PDE3B: variants seen among roughly 807,000 people sequenced by gnomAD.
PDE3B encodes phosphodiesterase 3B, also known as cGMP-inhibited 3',5'-cyclic phosphodiesterase 3B.
A neutral mutation model predicts 116.8 loss-of-function variants in PDE3B; 66 were observed. The ratio of observed to expected loss-of-function variants is 0.56; its 90% CI spans 0.46 to 0.69. The LOEUF is 0.69. PDE3B is among the 30% of genes least tolerant of loss of function. The probability of loss-of-function intolerance (pLI) is 0.00; values close to 1 mark genes in which losing one functional copy is unlikely to be tolerated. For synonymous variants in PDE3B, 595 were observed against 533.6 expected, an observed-to-expected ratio of 1.12 and a Z score of -1.59; for missense variants, 1,384 against 1,368.1, an observed-to-expected ratio of 1.01 and a Z score of -0.18.
intron 11 of PDE3B, among the ~76,000 whole-genome samples, chr11:14,836,744 T>C (rs1233436065): frequency 6.6e-6 from 1 of 152,232 alleles, no homozygotes; most frequent in Non-Finnish European, 1.5e-5. Flanking sequence ...CTATATACTC[T>C]AGAGGAGAAT....
At chr11:14,839,253 T>C (rs1860150226) in intron 11 of PDE3B, among the ~76,000 whole-genome samples, 1 of 152,208 alleles carries the variant, frequency 6.6e-6, no homozygotes, top group Admixed American at 6.5e-5. Flanking sequence ...AATTCCTTGA[T>C]CTTTGGAAAG....
intron 2 of PDE3B, chr11:14,774,094 A>G (rs1446970508): frequency 6.6e-6 from 1 of 152,258 alleles, no homozygotes; most frequent in Non-Finnish European, 1.5e-5. Context: ...AGAGTAGCAC[A>G]GAATGTTGGA....
At chr11:14,859,869 T>C (rs1847915282) in intron 13 of PDE3B, among the ~76,000 whole-genome samples, 1 of 152,194 alleles carries the variant, frequency 6.6e-6, no homozygotes, top group South Asian at 2.1e-4. Context: ...GTGGTACTCA[T>C]GGGACTATGC....
intron 1 of PDE3B, among the ~76,000 whole-genome samples, chr11:14,684,443 A>G (rs1854806904): frequency 6.6e-6 from 1 of 152,212 alleles, no homozygotes; most frequent in Non-Finnish European, 1.5e-5. Flanking sequence ...AAAGGAGAAC[A>G]AAGATCACAT....
At chr11:14,894,225 A>G in the PDE3B span, among the ~76,000 whole-genome samples, 4 of 152,198 alleles carry the variant, frequency 2.6e-5, no homozygotes, top group African/African-American at 9.7e-5. Flanking sequence ...TCAATAATCT[A>G]ATAAAATGAA....
chr11:14,779,578 A>G (rs1302994611), intron 2 of PDE3B, among the ~76,000 whole-genome samples: 1 of 152,200 alleles, frequency 6.6e-6, no homozygotes, highest in Non-Finnish European at 1.5e-5. Flanking sequence ...AAGCTTCATA[A>G]GTGAAGGAGA....
chr11:14,698,729 T>G (rs1185948791), intron 1 of PDE3B: 1 of 151,990 alleles, frequency 6.6e-6, no homozygotes, highest in African/African-American at 2.4e-5. Flanking sequence ...TAATCTCTTT[T>G]TCTCTTTTTA....
intron 1 of PDE3B, among the ~76,000 whole-genome samples, chr11:14,735,879 G>T (rs1051943458): frequency 5.3e-5 from 8 of 152,032 alleles, no homozygotes; most frequent in Non-Finnish European, 7.4e-5. Flanking sequence ...TCACATAGGG[G>T]ATAATGACAG....
At chr11:14,776,810 G>A (rs868317176) in intron 2 of PDE3B, 29 of 152,132 alleles carry the variant, frequency 1.9e-4, no homozygotes, top group Middle Eastern at 6.8e-3. Context: ...AAAGATTTCT[G>A]TAGGACCCAG....
intron 1 of PDE3B, among the ~76,000 whole-genome samples, chr11:14,763,724 C>T (rs537026356): frequency 6.6e-6 from 1 of 151,974 alleles, no homozygotes; most frequent in Non-Finnish European, 1.5e-5. Flanking sequence ...TATATGGATA[C>T]AGATATTAGA....
intron 1 of PDE3B, among the ~76,000 whole-genome samples, chr11:14,650,684 T>A (rs10832290): frequency 6.6e-6 from 1 of 151,832 alleles, no homozygotes; most frequent in Non-Finnish European, 1.5e-5. Flanking sequence ...CATCCACCCT[T>A]GGGAGGCTGA....
intron 1 of PDE3B, among the ~76,000 whole-genome samples, chr11:14,692,326 G>C (rs1180174705): frequency 6.6e-6 from 1 of 152,020 alleles, no homozygotes; most frequent in East Asian, 1.9e-4. Flanking sequence ...TTTGTTGCAT[G>C]GTTTAAATAA....
chr11:14,848,409 T>C (rs1847661085), intron 12 of PDE3B, among the ~76,000 whole-genome samples: 1 of 149,536 alleles, frequency 6.7e-6, no homozygotes, highest in South Asian at 2.2e-4. Context: ...ACTGGAAGCA[T>C]TCCCTTTGAA....
At chr11:14,675,228 A>T (rs886559760) in intron 1 of PDE3B, among the ~76,000 whole-genome samples, 1 of 152,132 alleles carries the variant, frequency 6.6e-6, no homozygotes, top group Non-Finnish European at 1.5e-5. Flanking sequence ...TCCTAAAGAG[A>T]GGTAACTTTT....
intron 1 of PDE3B, chr11:14,673,852 A>G: frequency 1.6e-6 from 2 of 1,288,400 alleles, no homozygotes; most frequent in East Asian, 2.3e-5. Flanking sequence ...TCAAATTTGT[A>G]GAGTAGTTGG....
In PDE3B at chr11:14,830,863, C is replaced by G; in HGVS notation, c.1956+17C>G. 1 of 1,467,528 alleles carries G rather than the reference C, an allele frequency of 6.8e-7. No individual in the cohort carries two copies. Among genetic ancestry groups the G allele is most frequent in the Non-Finnish European group, 9.0e-7 (1 of 1,107,430 alleles). The allele number at this position is 1,467,528 out of a possible 1,614,324, so 90.9% of individuals were successfully genotyped here. A position where few individuals can be genotyped will look rare whatever the true frequency, so the allele number is the denominator to read the frequency against. ...CAAACAAATGTAAAAGATAAACTTT[C>G]AATATGATTATGTTAAGGTGAAATA... On this transcript the variant is annotated intron_variant, in intron 8 of 15. Coordinates refer to ENST00000282096, the MANE Select transcript of PDE3B (RefSeq NM_000922.4).
intron 1 of PDE3B, among the ~76,000 whole-genome samples, chr11:14,672,044 T>TATAC (rs1554980099): frequency 1.8e-4 from 26 of 145,586 alleles, no homozygotes; most frequent in African/African-American, 5.5e-4. Context: ...TATATATATA[T>TATAC]ACATATATAT....
At chr11:14,667,745 A>T (rs1183178206) in intron 1 of PDE3B, among the ~76,000 whole-genome samples, 1 of 151,248 alleles carries the variant, frequency 6.6e-6, no homozygotes, top group Non-Finnish European at 1.5e-5. Context: ...GCTAAATGAC[A>T]AGTTAATGGG....
intron 1 of PDE3B, among the ~76,000 whole-genome samples, chr11:14,743,047 G>T (rs552601782): frequency 6.6e-6 from 1 of 152,286 alleles, no homozygotes; most frequent in African/African-American, 2.4e-5. Context: ...CGGGGGTCAG[G>T]GACCCACTTG....
Sources: allele counts gnomAD v4.1 joint callset (sites outside exome capture counted in the v4.1 genomes callset), GRCh38; gene constraint gnomAD v4.1.1; transcripts MANE v1.5; gene names NCBI Gene and HGNC (gene_info 2026-07-23, HGNC 2026-07-21).